FAM135A: variants seen among roughly 807,000 people sequenced by gnomAD.
FAM135A encodes the protein protein FAM135A.
A neutral mutation model predicts 146.8 loss-of-function variants in FAM135A; 79 were observed. The observed-to-expected ratio is 0.54, with a 90% CI of 0.45 to 0.65. The LOEUF (loss-of-function observed/expected upper bound fraction) is 0.65. FAM135A is among the 30% of genes least tolerant of loss of function. The pLI is 0.00. For synonymous variants in FAM135A, 562 were observed against 603.6 expected (o/e 0.93, Z 1.01); for missense variants, 1,623 against 1,758.2 (o/e 0.92, Z 1.38).
chr6:70,452,057 G>T (rs1777215081), intron 4 of FAM135A, among the ~76,000 whole-genome samples: 1 of 150,402 alleles, frequency 6.6e-6, no homozygotes, highest in Admixed American at 6.6e-5. Flanking sequence ...TAAACCAACT[G>T]ATATCTTCAT....
At chr6:70,428,921 C>T (rs553655659) in intron 4 of FAM135A, among the ~76,000 whole-genome samples, 5 of 152,224 alleles carry the variant, frequency 3.3e-5, no homozygotes, top group East Asian at 1.9e-4. Context: ...CACTATTTCA[C>T]GAAAACACTA....
rs774674931 is a variant in FAM135A, at chr6:70,526,605, T to C, written c.3521T>C (p.Phe1174Ser). The change falls in exon 15 of 22, where the codon TTT (phenylalanine) becomes TCT (serine). Residue 1174 changes from phenylalanine to serine, a missense_variant. Phe to Ser is a radical substitution (Grantham distance 155, BLOSUM62 -2). Coordinates refer to ENST00000418814, the MANE Select transcript of FAM135A (RefSeq NM_001162529.3). ...GTTAAATATTCTTCCAAAAGTAAAT[T>C]TGATGCCATTACAAAGCAGCCAAGC... ...CNVKYSSKSKFDAITKQPSST... is the reference protein window; with the variant it reads ...CNVKYSSKSKSDAITKQPSST... 6.2e-7 allele frequency: 1 copy of C among 1,613,502 alleles called. No individual in the cohort carries two copies. Among genetic ancestry groups the C allele is most frequent in the Non-Finnish European group, 8.5e-7 (1 of 1,179,676 alleles).
At chr6:70,531,832 T>G (rs1045860918) in intron 16 of FAM135A, among the ~76,000 whole-genome samples, 2 of 152,132 alleles carry the variant, frequency 1.3e-5, no homozygotes, top group Admixed American at 1.3e-4. Flanking sequence ...TGATGTTTGT[T>G]CTTGCTTCCA....
At chr6:70,425,322 C>G (rs1209865909) in intron 2 of FAM135A, among the ~76,000 whole-genome samples, 1 of 152,034 alleles carries the variant, frequency 6.6e-6, no homozygotes, top group Non-Finnish European at 1.5e-5. Flanking sequence ...AGAATCAAAA[C>G]CAGAACATAA....
At chr6:70,450,024 T>G (rs1302250588) in intron 4 of FAM135A, among the ~76,000 whole-genome samples, 1 of 152,208 alleles carries the variant, frequency 6.6e-6, no homozygotes, top group Admixed American at 6.5e-5. Context: ...GTTGAGCATT[T>G]TTTACATATC....
intron 20 of FAM135A, among the ~76,000 whole-genome samples, chr6:70,551,535 C>T (rs1002850875): frequency 1.3e-5 from 2 of 152,108 alleles, no homozygotes; most frequent in African/African-American, 4.8e-5. Context: ...CCCTTGAGCC[C>T]AGGAGGTAGA....
chr6:70,478,437 A>G (rs1433527883), intron 8 of FAM135A, among the ~76,000 whole-genome samples: 1 of 152,152 alleles, frequency 6.6e-6, no homozygotes, highest in African/African-American at 2.4e-5. Context: ...TGATATTGGG[A>G]TGATGCTTAA....
chr6:70,455,305 T>C (rs1448819181), intron 5 of FAM135A, among the ~76,000 whole-genome samples: 1 of 152,050 alleles, frequency 6.6e-6, no homozygotes, highest in Non-Finnish European at 1.5e-5. Context: ...TAAATTTTAA[T>C]GAATTATACA....
intron 16 of FAM135A, among the ~76,000 whole-genome samples, chr6:70,529,592 T>G (rs1400948036): frequency 6.6e-6 from 1 of 152,118 alleles, no homozygotes; most frequent in Non-Finnish European, 1.5e-5. Flanking sequence ...AATTCTTTTT[T>G]AAAAATTTTA....
chr6:70,503,347 A>AT (rs1399025991), intron 12 of FAM135A: 3 of 152,116 alleles, frequency 2.0e-5, no homozygotes, highest in African/African-American at 7.2e-5. Flanking sequence ...CTATCTTTCC[A>AT]TCTTGTTTCC....
chr6:70,495,324 A>G (rs1274225447), intron 11 of FAM135A, among the ~76,000 whole-genome samples: 1 of 152,208 alleles, frequency 6.6e-6, no homozygotes. Flanking sequence ...TGAAGACTGT[A>G]CTTCTCATTC....
intron 12 of FAM135A, among the ~76,000 whole-genome samples, chr6:70,521,276 A>G (rs1293110336): frequency 6.6e-6 from 1 of 152,234 alleles, no homozygotes; most frequent in East Asian, 1.9e-4. Context: ...CCAGTTTCGT[A>G]GGTCCAGCTG....
intron 9 of FAM135A, 132 bp downstream of exon 9, chr6:70,481,159 A>T (rs1783632392): frequency 1.2e-6 from 1 of 841,986 alleles, no homozygotes; most frequent in African/African-American, 1.8e-5. Context: ...ATTAAATATG[A>T]TCTTAAAAAT....
intron 16 of FAM135A, among the ~76,000 whole-genome samples, chr6:70,529,327 A>G (rs968249313): frequency 2.0e-5 from 3 of 151,866 alleles, no homozygotes; most frequent in Non-Finnish European, 2.9e-5. Context: ...GAACAATGCA[A>G]TATTACTGTA....
chr6:70,472,579 A>G (rs917954756), intron 5 of FAM135A, among the ~76,000 whole-genome samples: 7 of 152,216 alleles, frequency 4.6e-5, no homozygotes, highest in African/African-American at 1.7e-4. Flanking sequence ...CGTCTTATCC[A>G]TAGCCCCATT....
intron 15 of FAM135A, 68 bp downstream of exon 15, chr6:70,526,766 TACACACACACAC>T (rs71538422): frequency 1.5e-4 from 66 of 452,708 alleles, no homozygotes; most frequent in South Asian, 1.2e-3. Context: ...CACACACACA[TACACACACACAC>T]ACACACACAC....
chr6:70,480,682 G>A (rs1314325663), intron 8 of FAM135A, among the ~76,000 whole-genome samples: 2 of 152,048 alleles, frequency 1.3e-5, no homozygotes, highest in Non-Finnish European at 2.9e-5. Flanking sequence ...TCTAATTATA[G>A]CAAGCAATGT....
chr6:70,553,173 C>T (rs117149402), intron 20 of FAM135A, among the ~76,000 whole-genome samples: 413 of 152,230 alleles, frequency 2.7e-3, no homozygotes, highest in Non-Finnish European at 4.9e-3. Context: ...CAGAGGAGAC[C>T]AGCCTGGGGA....
intron 5 of FAM135A, among the ~76,000 whole-genome samples, chr6:70,473,929 C>G (rs1021433749): frequency 3.9e-5 from 6 of 152,208 alleles, no homozygotes; most frequent in African/African-American, 1.4e-4. Context: ...TTCCAACCCC[C>G]CAGCCTGAGG....
Sources: allele counts gnomAD v4.1 joint callset (sites outside exome capture counted in the v4.1 genomes callset), GRCh38; gene constraint gnomAD v4.1.1; transcripts MANE v1.5; gene names NCBI Gene and HGNC (gene_info 2026-07-23, HGNC 2026-07-21).